Variants in CADM2 observed in about 807,000 individuals in gnomAD.
CADM2 encodes the protein immunoglobulin superfamily member 4D.
Under a neutral mutation model 49.8 loss-of-function variants are expected in CADM2, and 12 were observed. The observed-to-expected ratio is 0.24, with a 90% CI of 0.15 to 0.39. CADM2 has a LOEUF of 0.39. Among genes scored for constraint, CADM2 ranks in the 10% least tolerant of loss-of-function variants. The pLI is 1.00. For missense variants in CADM2, 378 were observed against 492.3 expected, an observed-to-expected ratio of 0.77 and a Z score of 2.20; for synonymous variants, 214 against 175.4, an observed-to-expected ratio of 1.22 and a Z score of -1.74.
At chr3:85,003,941 A>G (rs2033598914) in intron 1 of CADM2, among the ~76,000 whole-genome samples, 1 of 152,140 alleles carries the variant, frequency 6.6e-6, no homozygotes, top group Non-Finnish European at 1.5e-5. Flanking sequence ...GTAAACTGTA[A>G]TTATAGCTTC....
At chr3:85,738,699 A>C (rs2068250686) in intron 2 of CADM2, among the ~76,000 whole-genome samples, 1 of 152,198 alleles carries the variant, frequency 6.6e-6, no homozygotes, top group Admixed American at 6.5e-5. Context: ...GGTTAAGGGA[A>C]TGCAAGTTTT....
At chr3:85,862,267 T>C (rs905494811) in intron 3 of CADM2, among the ~76,000 whole-genome samples, 7 of 152,108 alleles carry the variant, frequency 4.6e-5, no homozygotes, top group African/African-American at 1.7e-4. Context: ...TTTAATTACT[T>C]CACTGCTATT....
chr3:85,688,815 GTC>G (rs1466980010), intron 1 of CADM2, among the ~76,000 whole-genome samples: 1 of 152,066 alleles, frequency 6.6e-6, no homozygotes, highest in Non-Finnish European at 1.5e-5. Context: ...CGATCCTCCT[GTC>G]TCAGCCTCCC....
At chr3:85,978,180 C>G (rs1258077140) in intron 8 of CADM2, among the ~76,000 whole-genome samples, 2 of 151,566 alleles carry the variant, frequency 1.3e-5, no homozygotes, top group African/African-American at 4.8e-5. Flanking sequence ...ATTTGACTCT[C>G]TGAGGATCTC....
chr3:85,978,842 C>T (rs1327164449), intron 8 of CADM2, among the ~76,000 whole-genome samples: 1 of 151,306 alleles, frequency 6.6e-6, no homozygotes, highest in Non-Finnish European at 1.5e-5. Flanking sequence ...TTTTTACCTA[C>T]ATGTTTTTTG....
At chr3:85,284,503 A>G (rs2043580362) in intron 1 of CADM2, among the ~76,000 whole-genome samples, 1 of 152,048 alleles carries the variant, frequency 6.6e-6, no homozygotes, top group African/African-American at 2.4e-5. Context: ...TTTCAATTTC[A>G]AATAGTATGG....
chr3:85,742,673 G>A (rs902206351), intron 2 of CADM2, among the ~76,000 whole-genome samples: 1 of 152,136 alleles, frequency 6.6e-6, no homozygotes, highest in Admixed American at 6.5e-5. Flanking sequence ...ATTACAGCAT[G>A]CCTGAAATCT....
intron 1 of CADM2, among the ~76,000 whole-genome samples, chr3:85,396,918 A>G (rs1285525097): frequency 6.6e-6 from 1 of 152,124 alleles, no homozygotes; most frequent in Non-Finnish European, 1.5e-5. Context: ...GGTCTTCATC[A>G]AAATTAAGGA....
chr3:85,427,999 C>A (rs1360772747), intron 1 of CADM2, among the ~76,000 whole-genome samples: 2 of 151,874 alleles, frequency 1.3e-5, no homozygotes, highest in Non-Finnish European at 1.5e-5. Flanking sequence ...ATGGCTTTTG[C>A]ATTATTTCAA....
At chr3:85,354,123 A>T (rs2031613791) in intron 1 of CADM2, among the ~76,000 whole-genome samples, 1 of 152,022 alleles carries the variant, frequency 6.6e-6, no homozygotes, top group Non-Finnish European at 1.5e-5. Context: ...GCTACATGGC[A>T]CAATGAAATA....
intron 1 of CADM2, among the ~76,000 whole-genome samples, chr3:85,295,115 C>G (rs1042602128): frequency 2.6e-5 from 4 of 152,122 alleles, no homozygotes; most frequent in Non-Finnish European, 5.9e-5. Context: ...ACAACCCCAT[C>G]AAAAAGTGGG....
intron 1 of CADM2, among the ~76,000 whole-genome samples, chr3:85,306,360 C>A (rs994953007): frequency 6.6e-6 from 1 of 151,644 alleles, no homozygotes; most frequent in Admixed American, 6.6e-5. Context: ...AATCAAAAAA[C>A]AAATTATTGA....
chr3:85,968,057 A>G (rs1460244751), intron 8 of CADM2, among the ~76,000 whole-genome samples: 1 of 151,594 alleles, frequency 6.6e-6, no homozygotes, highest in East Asian at 2.0e-4. Context: ...TGGAAAAGGC[A>G]TCCATACTGA....
intron 1 of CADM2, among the ~76,000 whole-genome samples, chr3:85,660,440 G>GTT (rs10713157): frequency 3.6e-4 from 52 of 143,090 alleles, no homozygotes; most frequent in African/African-American, 1.1e-3. Flanking sequence ...TCGCTCTCCT[G>GTT]TTTTTTTTTT....
intron 1 of CADM2, among the ~76,000 whole-genome samples, chr3:85,272,420 AAG>A (rs1362654490): frequency 6.6e-6 from 1 of 151,302 alleles, no homozygotes; most frequent in African/African-American, 2.4e-5. Flanking sequence ...TATTCTGAAA[AAG>A]AAAAAAAGAT....
chr3:85,990,965 T>C (rs935717947), intron 8 of CADM2, among the ~76,000 whole-genome samples: 5 of 152,082 alleles, frequency 3.3e-5, no homozygotes, highest in Non-Finnish European at 7.4e-5. Flanking sequence ...AACCAGTAGG[T>C]AGAGAAAGGA....
intron 1 of CADM2, among the ~76,000 whole-genome samples, chr3:85,172,597 A>G (rs2040657427): frequency 6.6e-6 from 1 of 152,042 alleles, no homozygotes; most frequent in Admixed American, 6.6e-5. Context: ...ATGTGCAAGA[A>G]TGGTGGTGAT....
intron 3 of CADM2, among the ~76,000 whole-genome samples, chr3:85,880,700 T>A (rs1712623585): frequency 6.6e-6 from 1 of 152,224 alleles, no homozygotes; most frequent in Non-Finnish European, 1.5e-5. Context: ...GCTATTCTCT[T>A]GGGATCCTTT....
intron 8 of CADM2, among the ~76,000 whole-genome samples, chr3:86,031,784 A>T (rs1034862996): frequency 1.3e-4 from 19 of 151,920 alleles, no homozygotes; most frequent in African/African-American, 4.6e-4. Flanking sequence ...TGAGATAGTC[A>T]ACAAAGCGAG....
Sources: allele counts gnomAD v4.1 joint callset (sites outside exome capture counted in the v4.1 genomes callset), GRCh38; gene constraint gnomAD v4.1.1; transcripts MANE v1.5; gene names NCBI Gene and HGNC (gene_info 2026-07-23, HGNC 2026-07-21).